Variants in EPHA2 observed in about 807,000 individuals in gnomAD.
The protein encoded by EPHA2 is EPH receptor A2.
EPHA2 carries 54 observed loss-of-function variants against 104.9 expected under a neutral mutation model. The observed-to-expected ratio is 0.51, with a 90% confidence interval of 0.41 to 0.65. The LOEUF is 0.65. EPHA2 is among the 30% of genes least tolerant of loss of function. The pLI, the probability that EPHA2 is intolerant of heterozygous loss-of-function variation, is 0.00. For missense variants in EPHA2, 1,117 were observed against 1,369.5 expected (o/e 0.82, Z 2.91); for synonymous variants, 560 against 559.1 (o/e 1.00, Z -0.02).
rs2024642230 is a variant in EPHA2, at chr1:16,134,441, G to A, written c.1682+27C>T. 3.7e-6 allele frequency: 6 copies of A among 1,608,608 alleles called. No homozygotes were observed. The highest frequency in any genetic ancestry group is 1.7e-5 in the Admixed American group (1 of 59,980). On this transcript the variant is annotated intron_variant, in intron 8 of 16. Coordinates refer to ENST00000358432, the MANE Select transcript of EPHA2 (RefSeq NM_004431.5). This position sits in a 1 kb window ranked among gnomAD's most constrained non-coding sequence, Gnocchi z 4.5. ...CCCATTTTCCCACCCAAGCCCATGT[G>A]GAGCCAGGGTATGGGCTCTGACGAA... is the stretch of plus-strand genomic sequence containing the variant.
chr1:16,153,080 C>T, intron 1 of EPHA2: 1 of 975,244 alleles, frequency 1.0e-6, no homozygotes, highest in Non-Finnish European at 1.2e-6. Flanking sequence ...TTAGGCTAAG[C>T]AGGGCTTATC....
chr1:16,150,816 C>T lies in EPHA2; in HGVS notation c.153+80G>A. 1 of 1,516,554 alleles carries T rather than the reference C, an allele frequency of 6.6e-7. No individual in the cohort carries two copies. The highest frequency in any genetic ancestry group is 9.2e-7 in the Non-Finnish European group (1 of 1,092,696). 93.9% of individuals were successfully genotyped at this position (1,516,554 alleles called of 1,614,324 possible). A position where few individuals can be genotyped will look rare whatever the true frequency, so the allele number is the denominator to read the frequency against. On this transcript the variant is annotated intron_variant, in intron 2 of 16. Transcript: ENST00000358432. This position sits in a 1 kb window ranked among gnomAD's most constrained non-coding sequence, Gnocchi z 4.8. Reference sequence around the variant, plus strand: ...GAATTGAAGCCAGGCCCCACGCTCCCTGGGCCTCAGTTTCTCCATCTCTAC... The same window carrying T: ...GAATTGAAGCCAGGCCCCACGCTCCTTGGGCCTCAGTTTCTCCATCTCTAC...
chr1:16,131,836 T>TC lies in EPHA2; in HGVS notation c.2359dup (p.Glu787GlyfsTer46). On this transcript the variant is annotated frameshift_variant, in exon 14 of 17. Coordinates refer to ENST00000358432, the MANE Select transcript of EPHA2 (RefSeq NM_004431.5). LOFTEE classifies it high-confidence loss of function. The surrounding 1 kb of genome is among the most constrained non-coding windows in gnomAD (Gnocchi z 5.2). ...GGTGAACTTCCGGTAGGAAATGGCC[T>TC]CCGGGGCGGTCCAGCGGATGGGGAT... The TC allele has an allele frequency of 1.2e-6, 2 of 1,613,988 alleles. No homozygotes were observed. The highest frequency in any genetic ancestry group is 1.7e-6 in the Non-Finnish European group (2 of 1,180,000).
At chr1:16,155,731 G>C (rs1318372053) in intron 1 of EPHA2, 117 bp downstream of exon 1, 2 of 845,314 alleles carry the variant, frequency 2.4e-6, no homozygotes, top group East Asian at 6.8e-5. Flanking sequence ...CCGGACTCCA[G>C]TTCGCCGGGA....
In EPHA2 at chr1:16,143,322, T is replaced by C. The variant is rs561449579; in HGVS notation, c.824-4892A>G. 1.6e-3 allele frequency among the ~76,000 whole-genome samples: 249 copies of C among 152,028 alleles called. 4 individuals carry two copies. The Middle Eastern group carries it at 0.017, about 10-fold the overall frequency. On this transcript the variant is annotated intron_variant, in intron 3 of 16. Coordinates refer to ENST00000358432, the MANE Select transcript of EPHA2 (RefSeq NM_004431.5). ...AAACCTACCATGTGCATGTGAAATA[T>C]GCACTCCAGGGCCAGAGAAATGAGC...
intron 3 of EPHA2, among the ~76,000 whole-genome samples, chr1:16,145,227 C>T (rs374591371): frequency 2.4e-4 from 36 of 152,160 alleles, no homozygotes; most frequent in African/African-American, 8.4e-4. Flanking sequence ...AAGCAGCCCC[C>T]GGGGGACAGC....
chr1:16,152,554 C>T (rs1259303560), intron 1 of EPHA2, among the ~76,000 whole-genome samples: 6 of 152,070 alleles, frequency 3.9e-5, no homozygotes, highest in Admixed American at 3.3e-4. Context: ...TGCCCAGGGC[C>T]GGGGCTTTGA....
chr1:16,145,253 C>T (rs566138302), intron 3 of EPHA2, among the ~76,000 whole-genome samples: 16 of 152,246 alleles, frequency 1.1e-4, no homozygotes, highest in Non-Finnish European at 1.9e-4. Flanking sequence ...GCCCGAGCGA[C>T]TCCACTGTCC....
rs2024577775 is a variant in EPHA2, at chr1:16,131,965, G to T, written c.2326-95C>A. ...CACGACCCCTCCCTGGACTCCTACA[G>T]GTGTTCTGCCTCCTGAAGCACTGCC... On this transcript the variant is annotated intron_variant, in intron 13 of 16. Transcript: ENST00000358432. The surrounding 1 kb of genome is among the most constrained non-coding windows in gnomAD (Gnocchi z 5.2). 3.1e-6 allele frequency: 5 copies of T among 1,604,742 alleles called. No individual in the cohort carries two copies. In the African/African-American group the frequency reaches 6.7e-5, roughly 21 times the overall value.
chr1:16,131,884 A>C lies in EPHA2; in HGVS notation c.2326-14T>G. Reference sequence around the variant, plus strand: ...GATCTTGCCGCCCTGCAGGGAACCCAGGCCCAGTCACCACTGTGCCCTCTG... The same window carrying C: ...GATCTTGCCGCCCTGCAGGGAACCCCGGCCCAGTCACCACTGTGCCCTCTG... On this transcript the variant is annotated splice_polypyrimidine_tract_variant and intron_variant, in intron 13 of 16. Coordinates refer to ENST00000358432, the MANE Select transcript of EPHA2 (RefSeq NM_004431.5). The surrounding 1 kb of genome is among the most constrained non-coding windows in gnomAD (Gnocchi z 5.2). 3 of 1,612,612 alleles carry C rather than the reference A, an allele frequency of 1.9e-6. No homozygotes were observed. The East Asian group carries it at 6.7e-5, about 36-fold the overall frequency.
intron 9 of EPHA2, 113 bp downstream of exon 9, chr1:16,133,747 A>T: frequency 6.7e-7 from 1 of 1,486,072 alleles, no homozygotes; most frequent in Non-Finnish European, 9.0e-7. Context: ...CTGCCCACGG[A>T]AGCCTGTGGC....
At chr1:16,145,809 C>T (rs935028186) in intron 3 of EPHA2, among the ~76,000 whole-genome samples, 1 of 152,212 alleles carries the variant, frequency 6.6e-6, no homozygotes, top group African/African-American at 2.4e-5. Flanking sequence ...GCAGCCTGGG[C>T]GCCGCTGCAC....
intron 9 of EPHA2, 81 bp from the exon 10 acceptor site, chr1:16,133,687 C>T (rs2024624459): frequency 1.9e-6 from 3 of 1,595,786 alleles, no homozygotes; most frequent in Non-Finnish European, 2.6e-6. Context: ...GAGAAGGTCA[C>T]GTGATCTTCA....
chr1:16,126,917 C>T (rs1466734397), intron 16 of EPHA2, among the ~76,000 whole-genome samples: 1 of 152,184 alleles, frequency 6.6e-6, no homozygotes, highest in East Asian at 1.9e-4. Context: ...CAGGATAGGC[C>T]TGGCACATAG....
At chr1:16,155,598 G>T in intron 1 of EPHA2, 1 of 396,580 alleles carries the variant, frequency 2.5e-6, no homozygotes, top group Non-Finnish European at 4.5e-6. Flanking sequence ...CGTGGCCTGC[G>T]CCGCGTCCTC....
In EPHA2 at chr1:16,148,146, G is replaced by A. The variant is rs571431044; in HGVS notation, c.823+232C>T. ...CCACCTCAGCCTCCCAAAGTGCTGGGATTACAGGCATGAGCCACCGTGCCC... is the reference window on the plus strand; with the variant it reads ...CCACCTCAGCCTCCCAAAGTGCTGGAATTACAGGCATGAGCCACCGTGCCC... On this transcript the variant is annotated intron_variant, in intron 3 of 16. Transcript: ENST00000358432. This position sits in a 1 kb window ranked among gnomAD's most constrained non-coding sequence, Gnocchi z 4.9. 2.6e-5 allele frequency among the ~76,000 whole-genome samples: 4 copies of A among 152,198 alleles called. No individual in the cohort carries two copies. The highest frequency in any genetic ancestry group is 1.9e-4 in the East Asian group (1 of 5,174).
At chr1:16,149,845 G>A (rs1430588192) in intron 2 of EPHA2, among the ~76,000 whole-genome samples, 5 of 152,220 alleles carry the variant, frequency 3.3e-5, no homozygotes, top group Admixed American at 1.3e-4. Context: ...TGTGTCCTGT[G>A]TCCCGAGAGC....
At position 16,130,512 on chromosome 1, in the gene EPHA2, G is replaced by T; in HGVS notation, c.2476-93C>A. ...TATGGAGGTGGGCAGGGGAGGGGAGGGGAACAGGAACATCCCAGAAACAGA... is the reference window on the plus strand; with the variant it reads ...TATGGAGGTGGGCAGGGGAGGGGAGTGGAACAGGAACATCCCAGAAACAGA... On this transcript the variant is annotated intron_variant, in intron 14 of 16. Transcript: ENST00000358432. This position sits in a 1 kb window ranked among gnomAD's most constrained non-coding sequence, Gnocchi z 4.5. 1 of 1,288,466 alleles carries T rather than the reference G, an allele frequency of 7.8e-7. No individual in the cohort carries two copies. Among genetic ancestry groups the T allele is most frequent in the East Asian group, 2.5e-5 (1 of 39,462 alleles). The allele number at this position is 1,288,466 out of a possible 1,614,324, so 79.8% of individuals were successfully genotyped here.
In EPHA2 at chr1:16,148,344, AC is replaced by A. The variant is rs35127370; in HGVS notation, c.823+33del. ...AAAGACCAGAACCTGGGAATGCAGA[AC>A]CCCCTTCCCTGCAACCCAGAACCGT... On this transcript the variant is annotated intron_variant, in intron 3 of 16. Transcript: ENST00000358432. The surrounding 1 kb of genome is among the most constrained non-coding windows in gnomAD (Gnocchi z 4.9). The A allele has an allele frequency of 0.38, 614,412 of 1,611,258 alleles. 121,383 individuals carry two copies. The highest frequency in any genetic ancestry group is 0.51 in the Middle Eastern group (3,070 of 6,058).
Sources: gnomAD v4.1 joint callset for allele counts (sites outside exome capture counted in the v4.1 genomes callset) on GRCh38, gnomAD v4.1.1 for gene constraint, Gnocchi (gnomAD v3.1) non-coding constraint, MANE v1.5 for transcripts, NCBI Gene and HGNC (gene_info 2026-07-23, HGNC 2026-07-21) for gene names.